The following CD247 variants were observed in gnomAD, a reference collection of about 807,000 sequenced individuals.
CD247 encodes the protein CD247 molecule.
Under a neutral mutation model 30.0 loss-of-function variants are expected in CD247, and 13 were observed. The observed-to-expected ratio is 0.43, with a 90% CI of 0.28 to 0.69. The LOEUF (loss-of-function observed/expected upper bound fraction) is 0.69. Among genes scored for constraint, CD247 ranks in the 30% least tolerant of loss-of-function variants. CD247 has a pLI of 0.16. For synonymous variants in CD247, 72 were observed against 80.0 expected (o/e 0.90, Z 0.53); for missense variants, 193 against 212.6 (o/e 0.91, Z 0.57).
At chr1:167,445,273 T>C (rs1429030536) in intron 1 of CD247, among the ~76,000 whole-genome samples, 1 of 152,146 alleles carries the variant, frequency 6.6e-6, no homozygotes, top group Non-Finnish European at 1.5e-5. Flanking sequence ...ATAATTCTTA[T>C]GGGGTGAAGG....
chr1:167,502,699 T>C (rs960373800), intron 1 of CD247, among the ~76,000 whole-genome samples: 1 of 152,110 alleles, frequency 6.6e-6, no homozygotes. Flanking sequence ...TCTAATCCAA[T>C]ATGACTGGTG....
At chr1:167,460,359 C>T (rs566072003) in intron 1 of CD247, among the ~76,000 whole-genome samples, 17 of 152,218 alleles carry the variant, frequency 1.1e-4, no homozygotes, top group African/African-American at 3.6e-4. Context: ...ACCAAGATCA[C>T]ATCACTACAC....
intron 1 of CD247, among the ~76,000 whole-genome samples, chr1:167,503,870 G>C (rs921140317): frequency 1.3e-5 from 2 of 152,206 alleles, no homozygotes; most frequent in Admixed American, 6.5e-5. Flanking sequence ...CCTGAGGGTG[G>C]GAAGTGAGTT....
intron 6 of CD247, among the ~76,000 whole-genome samples, chr1:167,433,390 T>C (rs1253115400): frequency 1.3e-5 from 2 of 152,218 alleles, no homozygotes; most frequent in African/African-American, 4.8e-5. Context: ...TTAAAGTTCT[T>C]GGCTAGTCAT....
At chr1:167,460,294 C>T (rs1571545014) in intron 1 of CD247, among the ~76,000 whole-genome samples, 2 of 151,800 alleles carry the variant, frequency 1.3e-5, no homozygotes, top group East Asian at 1.9e-4. Context: ...CCCAGCTACT[C>T]GGGAAGCTGA....
chr1:167,468,333 T>A (rs1653356995), intron 1 of CD247, among the ~76,000 whole-genome samples: 1 of 152,212 alleles, frequency 6.6e-6, no homozygotes. Context: ...TTAATACCCA[T>A]AAAGAACTTC....
chr1:167,455,383 C>T (rs1652595545), intron 1 of CD247, among the ~76,000 whole-genome samples: 1 of 152,184 alleles, frequency 6.6e-6, no homozygotes, highest in Non-Finnish European at 1.5e-5. Context: ...GCGGCCGGGA[C>T]CGCCGTCCCA....
At chr1:167,453,010 C>CATATATATATATTATAGATATATATTAT (rs1558002667) in intron 1 of CD247, among the ~76,000 whole-genome samples, 5 of 48,362 alleles carry the variant, frequency 1.0e-4, no homozygotes, top group Non-Finnish European at 1.7e-4. Context: ...TGTGTGTGTG[C>CATATATATATATTATAGATATATATTAT]ATATATATAT....
intron 1 of CD247, among the ~76,000 whole-genome samples, chr1:167,503,169 G>A (rs921001740): frequency 1.1e-4 from 16 of 152,188 alleles, no homozygotes; most frequent in African/African-American, 2.4e-4. Context: ...GGCAGCTTGC[G>A]TCTGCTCCTG....
chr1:167,510,437 C>T (rs1273457862), intron 1 of CD247, among the ~76,000 whole-genome samples: 2 of 152,244 alleles, frequency 1.3e-5, no homozygotes, highest in Admixed American at 6.5e-5. Context: ...CCACACTGAC[C>T]TGCAACCCCT....
At chr1:167,463,415 G>T (rs529738319) in intron 1 of CD247, among the ~76,000 whole-genome samples, 2 of 152,268 alleles carry the variant, frequency 1.3e-5, no homozygotes, top group Admixed American at 6.5e-5. Flanking sequence ...CCTCATATCT[G>T]GAAGCAGAGA....
chr1:167,487,074 A>C lies in CD247; in HGVS notation c.58+31334T>G, dbSNP rs1484298646. Among the ~76,000 whole-genome samples the C allele has an allele frequency of 6.2e-5, 8 of 129,886 alleles. No individual in the cohort carries two copies. In the East Asian group the frequency reaches 1.6e-3, roughly 26 times the overall value. The allele number at this position is 129,886 out of a possible 152,430, so 85.2% of individuals were successfully genotyped here. On this transcript the variant is annotated intron_variant, in intron 1 of 7. Coordinates refer to ENST00000362089, the MANE Select transcript of CD247 (RefSeq NM_198053.3). ...GGGTGACAGAGCAAGACTCCATTTC[A>C]AAAAAAAAAAAAGGAAGAAAACGGC...
chr1:167,436,246 T>C (rs968577741), intron 4 of CD247, among the ~76,000 whole-genome samples: 1 of 152,146 alleles, frequency 6.6e-6, no homozygotes, highest in Non-Finnish European at 1.5e-5. Flanking sequence ...AGGAAAAGCA[T>C]TTGACAAAAT....
intron 1 of CD247, among the ~76,000 whole-genome samples, chr1:167,480,878 C>T (rs1045601965): frequency 6.6e-6 from 1 of 152,162 alleles, no homozygotes; most frequent in South Asian, 2.1e-4. Context: ...ACATTTGTGA[C>T]GTGATAAAAC....
chr1:167,488,718 G>C (rs575630686), intron 1 of CD247, among the ~76,000 whole-genome samples: 1 of 152,132 alleles, frequency 6.6e-6, no homozygotes, highest in African/African-American at 2.4e-5. Context: ...TGTCAAGCAG[G>C]GAATCTTTAG....
intron 1 of CD247, among the ~76,000 whole-genome samples, chr1:167,472,334 G>A (rs1653567084): frequency 6.6e-6 from 1 of 151,894 alleles, no homozygotes; most frequent in African/African-American, 2.4e-5. Context: ...ATATTTTCTT[G>A]GGGGTACTAT....
intron 1 of CD247, among the ~76,000 whole-genome samples, chr1:167,505,267 TTTG>T (rs1034039643): frequency 2.0e-5 from 3 of 151,982 alleles, no homozygotes; most frequent in Non-Finnish European, 2.9e-5. Context: ...AGTAGCTTTT[TTTG>T]TTGTTGTTGT....
At chr1:167,481,867 A>G (rs1653985589) in intron 1 of CD247, among the ~76,000 whole-genome samples, 1 of 152,190 alleles carries the variant, frequency 6.6e-6, no homozygotes, top group African/African-American at 2.4e-5. Context: ...ACTGAGGCCC[A>G]GGGCAGGCAG....
At chr1:167,477,640 C>T (rs1046018612) in intron 1 of CD247, among the ~76,000 whole-genome samples, 1 of 152,170 alleles carries the variant, frequency 6.6e-6, no homozygotes, top group Non-Finnish European at 1.5e-5. Context: ...AGTGATCCTC[C>T]CACCTCAGCC....
Sources: allele counts gnomAD v4.1 joint callset (sites outside exome capture counted in the v4.1 genomes callset), GRCh38; gene constraint gnomAD v4.1.1; transcripts MANE v1.5; gene names NCBI Gene and HGNC (gene_info 2026-07-23, HGNC 2026-07-21).